Variants in GRIN2A observed in about 807,000 individuals in gnomAD.
The protein encoded by GRIN2A is glutamate ionotropic receptor NMDA type subunit 2A, also known as glutamate receptor ionotropic, NMDA 2A.
GRIN2A carries 22 observed loss-of-function variants against 113.4 expected under a neutral mutation model. That is an observed-to-expected ratio of 0.19 (90% CI 0.14 to 0.28). The LOEUF (loss-of-function observed/expected upper bound fraction) is 0.28, where lower values mean the gene tolerates loss of function less well. GRIN2A is among the 10% of genes least tolerant of loss of function. The pLI, the probability that GRIN2A is intolerant of heterozygous loss-of-function variation, is 1.00. For missense variants in GRIN2A, 1,502 were observed against 1,887.0 expected, an observed-to-expected ratio of 0.80 and a Z score of 3.78; for synonymous variants, 827 against 738.4, an observed-to-expected ratio of 1.12 and a Z score of -1.94.
intron 2 of GRIN2A, among the ~76,000 whole-genome samples, chr16:10,042,864 T>C (rs1210736545): frequency 6.6e-6 from 1 of 152,124 alleles, no homozygotes; most frequent in East Asian, 1.9e-4. Flanking sequence ...AGGAACCCTT[T>C]TGGAACCAGC....
chr16:10,023,965 T>C (rs28561448), intron 2 of GRIN2A, among the ~76,000 whole-genome samples: 2,608 of 152,324 alleles, frequency 0.017, 81 homozygotes, highest in African/African-American at 0.06. Flanking sequence ...TAAACTGTCA[T>C]TGTGCCTCTT....
chr16:9,977,118 C>G (rs1353928365), intron 2 of GRIN2A, among the ~76,000 whole-genome samples: 1 of 152,172 alleles, frequency 6.6e-6, no homozygotes, highest in African/African-American at 2.4e-5. Context: ...AGCTGGCATG[C>G]AAGACACCAT....
At chr16:10,147,596 C>T (rs957780017) in intron 2 of GRIN2A, among the ~76,000 whole-genome samples, 25 of 150,176 alleles carry the variant, frequency 1.7e-4, no homozygotes, top group African/African-American at 5.9e-4. Context: ...GAGATTGCAC[C>T]GCTGCTCTCC....
chr16:10,144,223 C>T (rs1189013819), intron 2 of GRIN2A, among the ~76,000 whole-genome samples: 5 of 152,134 alleles, frequency 3.3e-5, no homozygotes, highest in African/African-American at 9.7e-5. Context: ...TTCGAGGAGC[C>T]GCCATACTGT....
intron 2 of GRIN2A, among the ~76,000 whole-genome samples, chr16:9,990,577 A>G (rs1374028406): frequency 6.6e-6 from 1 of 150,594 alleles, no homozygotes; most frequent in African/African-American, 2.5e-5. Flanking sequence ...ACACACACAC[A>G]CACACACACA....
chr16:9,966,937 C>T (rs2045566318), intron 2 of GRIN2A, among the ~76,000 whole-genome samples: 1 of 152,182 alleles, frequency 6.6e-6, no homozygotes, highest in Non-Finnish European at 1.5e-5. Flanking sequence ...ACCCAGTGCC[C>T]TTCCTTGTTT....
intron 2 of GRIN2A, among the ~76,000 whole-genome samples, chr16:10,057,402 G>A (rs182631956): frequency 5.9e-5 from 9 of 152,186 alleles, no homozygotes; most frequent in Admixed American, 5.9e-4. Context: ...ATGTTCTGGG[G>A]CCTCCACTAG....
intron 2 of GRIN2A, among the ~76,000 whole-genome samples, chr16:10,140,208 G>A (rs1223092983): frequency 6.6e-6 from 1 of 152,014 alleles, no homozygotes; most frequent in Admixed American, 6.6e-5. Context: ...ATTGTATGCT[G>A]TTAATTCATT....
At chr16:10,025,196 G>A (rs2073790556) in intron 2 of GRIN2A, among the ~76,000 whole-genome samples, 1 of 151,662 alleles carries the variant, frequency 6.6e-6, no homozygotes, top group African/African-American at 2.4e-5. Flanking sequence ...TGGTGCAGCT[G>A]AATCATAAAA....
At chr16:10,096,539 A>C (rs917733634) in intron 2 of GRIN2A, among the ~76,000 whole-genome samples, 16 of 137,754 alleles carry the variant, frequency 1.2e-4, no homozygotes, top group African/African-American at 4.3e-4. Flanking sequence ...ATTGTGGTAA[A>C]ACACACACAC....
chr16:10,126,507 G>C lies in GRIN2A; in HGVS notation c.414+53491C>G, dbSNP rs573002285. On this transcript the variant is annotated intron_variant, in intron 2 of 12. Coordinates refer to ENST00000330684, the MANE Select transcript of GRIN2A (RefSeq NM_001134407.3). ...TCAAATATTTTGCAGTATTGGCAGG[G>C]TTTACTATTTTCTTGGGCATCTATT... is the stretch of plus-strand genomic sequence containing the variant. Among the ~76,000 whole-genome samples, 223 of 152,150 alleles carry C rather than the reference G, an allele frequency of 1.5e-3. 1 individual carries two copies. The highest frequency in any genetic ancestry group is 5.1e-3 in the African/African-American group (210 of 41,490).
intron 2 of GRIN2A, among the ~76,000 whole-genome samples, chr16:10,046,316 C>T (rs1221583385): frequency 7.1e-6 from 1 of 140,172 alleles, no homozygotes; most frequent in African/African-American, 2.7e-5. Flanking sequence ...GGATGAAATA[C>T]ATTTTTAAAT....
chr16:10,019,181 G>T lies in GRIN2A; in HGVS notation c.415-80630C>A, dbSNP rs118123311. 9.7e-3 allele frequency among the ~76,000 whole-genome samples: 1,477 copies of T among 152,054 alleles called. 11 individuals carry two copies. The highest frequency in any genetic ancestry group is 0.016 in the Non-Finnish European group (1,071 of 68,018). On this transcript the variant is annotated intron_variant, in intron 2 of 12. Transcript: ENST00000330684. ...TCACCTCACTGCTAACACTTCATTA[G>T]TAAAATAAGGACACTAACAGTACCT... is the stretch of plus-strand genomic sequence containing the variant.
chr16:9,986,594 C>A (rs1343410668), intron 2 of GRIN2A, among the ~76,000 whole-genome samples: 1 of 151,856 alleles, frequency 6.6e-6, no homozygotes, highest in African/African-American at 2.4e-5. Context: ...GAAACCCCGT[C>A]TCTACTAAAA....
chr16:10,046,605 C>T (rs903234315), intron 2 of GRIN2A, among the ~76,000 whole-genome samples: 1 of 150,196 alleles, frequency 6.7e-6, no homozygotes, highest in Non-Finnish European at 1.5e-5. Flanking sequence ...GTTTAAAGAG[C>T]CCTGGAGTCT....
At chr16:9,879,802 T>G (rs1186436284) in intron 4 of GRIN2A, among the ~76,000 whole-genome samples, 2 of 152,208 alleles carry the variant, frequency 1.3e-5, no homozygotes, top group African/African-American at 4.8e-5. Context: ...GAGGATTAAA[T>G]GTATGCTTAA....
intron 4 of GRIN2A, among the ~76,000 whole-genome samples, chr16:9,852,254 G>T (rs930590193): frequency 6.6e-6 from 1 of 152,220 alleles, no homozygotes; most frequent in African/African-American, 2.4e-5. Flanking sequence ...ACCCAAAGGT[G>T]CTTTCTCGCT....
At position 9,764,751 on chromosome 16, in the gene GRIN2A, G is replaced by C. The variant is rs759235765; in HGVS notation, c.2793C>G (p.Ile931Met). 1 of 1,614,220 alleles carries C rather than the reference G, an allele frequency of 6.2e-7. No homozygotes were observed. Among genetic ancestry groups the C allele is most frequent in the East Asian group, 2.2e-5 (1 of 44,890 alleles). The change falls in exon 13 of 13, where the codon ATC becomes ATG. Residue 931 changes from isoleucine (I) to methionine (M), a missense_variant. Around this residue, in one of 7 missense-constraint regions of GRIN2A, gnomAD observed 832 missense variants for 789.7 expected, o/e 1.05. Coordinates refer to ENST00000330684, the MANE Select transcript of GRIN2A (RefSeq NM_001134407.3). ...TCCCCTTATCTGAAACCATGTCCAT[G>C]ATGAGGGAACCTCTTTGGATGAAGT... The part of the protein sequence containing the change: ...AADFIQRGSL[I>M]MDMVSDKGNL...
At chr16:10,089,167 T>C (rs1239369348) in intron 2 of GRIN2A, among the ~76,000 whole-genome samples, 3 of 152,190 alleles carry the variant, frequency 2.0e-5, no homozygotes, top group East Asian at 3.8e-4. Flanking sequence ...TGTCAACTAC[T>C]GTAGTAATCA....
Sources: allele counts gnomAD v4.1 joint callset (sites outside exome capture counted in the v4.1 genomes callset), GRCh38; gene constraint gnomAD v4.1.1; regional missense constraint gnomAD v4.1.1; transcripts MANE v1.5; gene names NCBI Gene and HGNC (gene_info 2026-07-23, HGNC 2026-07-21).